The following ANKRD44 variants were observed in gnomAD, a reference collection of about 807,000 sequenced individuals.
ANKRD44 encodes serine/threonine-protein phosphatase 6 regulatory ankyrin repeat subunit B.
In ANKRD44, 35 loss-of-function variants were observed where a neutral mutation model predicts 116.0. The observed-to-expected ratio is 0.30, with a 90% CI of 0.23 to 0.40. ANKRD44 has a LOEUF of 0.40. ANKRD44 is among the 10% of genes least tolerant of loss of function. ANKRD44 has a pLI of 1.00. For synonymous variants in ANKRD44, 435 were observed against 461.8 expected (o/e 0.94, Z 0.74); for missense variants, 1,014 against 1,242.6 (o/e 0.82, Z 2.77).
chr2:197,168,940 T>C (rs1364571974), intron 2 of ANKRD44, among the ~76,000 whole-genome samples: 4 of 152,138 alleles, frequency 2.6e-5, no homozygotes, highest in Non-Finnish European at 5.9e-5. Context: ...GCTTCTACTC[T>C]CCCTGTCACA....
rs1444706195 is a variant in ANKRD44 at position 197,310,600 on chromosome 2, G to C, written c.5C>G (p.Ala2Gly). M[A>G]VLKLTDQPPL... ...TACCTGGTCGGTGAGTTTGAGCACT[G>C]CCATTCTTCCGCTCCTTCGCGCGCA... is the stretch of plus-strand genomic sequence containing the variant. Residue 2 changes from alanine to glycine, a missense_variant, in exon 1 of 28, where the codon GCA (alanine) becomes GGA (glycine). Transcript: ENST00000282272. 3.8e-6 allele frequency: 5 copies of C among 1,323,698 alleles called. No homozygotes were observed. Among genetic ancestry groups the C allele is most frequent in the Non-Finnish European group, 4.9e-6 (5 of 1,012,314 alleles). 82.0% of individuals were successfully genotyped at this position (1,323,698 alleles called of 1,614,324 possible). A position where few individuals can be genotyped will look rare whatever the true frequency, so the allele number is the denominator to read the frequency against.
chr2:197,165,164 C>T (rs1307167028), intron 2 of ANKRD44, among the ~76,000 whole-genome samples: 1 of 152,182 alleles, frequency 6.6e-6, no homozygotes, highest in Non-Finnish European at 1.5e-5. Flanking sequence ...CTCAACACGC[C>T]CCTTCTGGCT....
chr2:197,114,109 T>C (rs2078653052), intron 8 of ANKRD44, among the ~76,000 whole-genome samples: 1 of 152,218 alleles, frequency 6.6e-6, no homozygotes, highest in Non-Finnish European at 1.5e-5. Flanking sequence ...TAGGGAACCC[T>C]ACTGAGTTTC....
intron 1 of ANKRD44, among the ~76,000 whole-genome samples, chr2:197,289,572 A>T (rs1435814217): frequency 6.6e-6 from 1 of 152,234 alleles, no homozygotes; most frequent in East Asian, 1.9e-4. Flanking sequence ...TACACAAAAC[A>T]TGAACGAATC....
Position 196,998,365 on chromosome 2 carries a change from T to G in ANKRD44, c.2720A>C (p.Asn907Thr). The G allele has an allele frequency of 6.2e-7, 1 of 1,613,822 alleles. No individual in the cohort carries two copies. Among genetic ancestry groups the G allele is most frequent in the Non-Finnish European group, 8.5e-7 (1 of 1,179,814 alleles). The change falls in exon 25 of 28, where the codon AAT becomes ACT. Residue 907 changes from asparagine to threonine, a missense_variant. Transcript: ENST00000282272. ...ACTACAAGCCAAATGTAAGGGTGTA[T>G]TCAAGTCCTTATCCTTTACAGTCAG... ...ADLTVKDKDL[N>T]TPLHLACSKG...
chr2:197,039,680 C>CGTGTGTGTGTGT (rs10535447), intron 16 of ANKRD44, among the ~76,000 whole-genome samples: 1 of 141,448 alleles, frequency 7.1e-6, no homozygotes, highest in African/African-American at 2.7e-5. Flanking sequence ...TGTGTGTGTG[C>CGTGTGTGTGTGT]GTGTGTGTGT....
chr2:197,099,604 T>C, intron 10 of ANKRD44: 2 of 1,262,294 alleles, frequency 1.6e-6, no homozygotes, highest in Non-Finnish European at 2.0e-6. Context: ...GAAATAGACC[T>C]CATTTGGATG....
intron 1 of ANKRD44, among the ~76,000 whole-genome samples, chr2:197,248,648 A>G (rs2082250755): frequency 6.6e-6 from 1 of 151,316 alleles, no homozygotes; most frequent in African/African-American, 2.4e-5. Flanking sequence ...TATAGCTCCT[A>G]TTGGTTCTGT....
intron 1 of ANKRD44, among the ~76,000 whole-genome samples, chr2:197,290,299 G>A (rs2083525859): frequency 6.6e-6 from 1 of 152,156 alleles, no homozygotes. Flanking sequence ...TATTCTTGCA[G>A]GAGTAAGGTG....
intron 1 of ANKRD44, among the ~76,000 whole-genome samples, chr2:197,266,172 T>C (rs907289955): frequency 1.4e-4 from 21 of 152,106 alleles, no homozygotes; most frequent in African/African-American, 3.9e-4. Context: ...ACTCATAGTC[T>C]TTCAGGGGTT....
In ANKRD44 at chr2:197,273,974, AAAAAAAATATATATATAT is replaced by A. The variant is rs1323823673; in HGVS notation, c.27+36586_27+36603del. On this transcript the variant is annotated intron_variant, in intron 1 of 27. Coordinates refer to ENST00000282272, the MANE Select transcript of ANKRD44 (RefSeq NM_001195144.2). ...TCAACCAACCACAAAAAAAAAAAAA[AAAAAAAATATATATATAT>A]ATATATATATATATATATATATATA... Among the ~76,000 whole-genome samples, 36 of 33,642 alleles carry A rather than the reference AAAAAAAATATATATATAT, an allele frequency of 1.1e-3. 3 individuals carry two copies. The highest frequency in any genetic ancestry group is 2.8e-3 in the African/African-American group (32 of 11,494). The allele number at this position is 33,642 out of a possible 152,430, so 22.1% of individuals were successfully genotyped here.
chr2:196,991,688 C>T (rs1179539656), intron 27 of ANKRD44, among the ~76,000 whole-genome samples: 1 of 152,084 alleles, frequency 6.6e-6, no homozygotes, highest in Non-Finnish European at 1.5e-5. Flanking sequence ...TCAAGCAATC[C>T]TCCCACCTCA....
intron 2 of ANKRD44, among the ~76,000 whole-genome samples, chr2:197,167,564 T>C (rs547790214): frequency 2.3e-4 from 35 of 152,322 alleles, no homozygotes; most frequent in African/African-American, 7.9e-4. Flanking sequence ...ATACTGTGTA[T>C]TGTTACTTTG....
chr2:197,086,882 C>T, intron 12 of ANKRD44, 134 bp from the exon 13 acceptor site: 1 of 690,734 alleles, frequency 1.4e-6, no homozygotes, highest in Non-Finnish European at 2.4e-6. Flanking sequence ...TAATAAAAAC[C>T]TGAACATACT....
In ANKRD44 at chr2:197,122,557, C is replaced by T. The variant is rs769934562; in HGVS notation, c.693+93G>A. Reference sequence around the variant, plus strand: ...GGATGCTAGAAAACAATTCCCCTGCCCTTGAATTAAAGTGCAAACAGGATT... The same window carrying T: ...GGATGCTAGAAAACAATTCCCCTGCTCTTGAATTAAAGTGCAAACAGGATT... On this transcript the variant is annotated intron_variant, in intron 7 of 27. Coordinates refer to ENST00000282272, the MANE Select transcript of ANKRD44 (RefSeq NM_001195144.2). 10 of 1,461,730 alleles carry T rather than the reference C, an allele frequency of 6.8e-6. No individual in the cohort carries two copies. In the Admixed American group the frequency reaches 1.8e-4, roughly 26 times the overall value. 90.5% of individuals were successfully genotyped at this position (1,461,730 alleles called of 1,614,324 possible).
chr2:197,242,037 T>C (rs2082101203), intron 1 of ANKRD44, among the ~76,000 whole-genome samples: 1 of 152,140 alleles, frequency 6.6e-6, no homozygotes, highest in African/African-American at 2.4e-5. Flanking sequence ...CTTGCTAGGG[T>C]GCATTATAAG....
chr2:197,310,416 G>A (rs1238149968), intron 1 of ANKRD44, among the ~76,000 whole-genome samples, 162 bp downstream of exon 1: 1 of 147,314 alleles, frequency 6.8e-6, no homozygotes, highest in African/African-American at 2.4e-5. Context: ...GAGGGGAGCT[G>A]CCGCCGCGGG....
intron 9 of ANKRD44, among the ~76,000 whole-genome samples, chr2:197,108,403 C>T (rs1210853291): frequency 6.6e-6 from 1 of 152,152 alleles, no homozygotes. Flanking sequence ...CCACTATATC[C>T]TTATCAATTC....
At chr2:197,189,871 G>A (rs561034471) in intron 1 of ANKRD44, among the ~76,000 whole-genome samples, 216 of 152,290 alleles carry the variant, frequency 1.4e-3, no homozygotes, top group African/African-American at 5.0e-3. Context: ...GAGTCTCCCA[G>A]TTGCGAGTGT....
Sources: gnomAD v4.1 joint callset for allele counts (sites outside exome capture counted in the v4.1 genomes callset) on GRCh38, gnomAD v4.1.1 for gene constraint, MANE v1.5 for transcripts, NCBI Gene and HGNC (gene_info 2026-07-23, HGNC 2026-07-21) for gene names.